The following NCBP2 variants were observed in gnomAD, a reference collection of about 807,000 sequenced individuals.
The protein encoded by NCBP2 is nuclear cap-binding protein subunit 2.
NCBP2 carries 8 observed loss-of-function variants against 21.5 expected under a neutral mutation model. The ratio of observed to expected loss-of-function variants is 0.37; its 90% CI spans 0.22 to 0.67. The LOEUF (loss-of-function observed/expected upper bound fraction) is 0.67. Ranked by LOEUF, NCBP2 falls within the 30% of genes least tolerant of loss-of-function variation. The pLI, the probability that NCBP2 is intolerant of heterozygous loss-of-function variation, is 0.56. For missense variants in NCBP2, 127 were observed against 206.9 expected (o/e 0.61, Z 2.37); for synonymous variants, 92 against 75.8 (o/e 1.21, Z -1.11).
At position 196,936,464 on chromosome 3, in the gene NCBP2, C is replaced by T. The variant is rs145864864; in HGVS notation, c.*547G>A. 9.1e-5 allele frequency: 14 copies of T among 154,664 alleles called. No individual in the cohort carries two copies. Among genetic ancestry groups the T allele is most frequent in the South Asian group, 6.0e-4 (3 of 5,002 alleles). The allele number at this position is 154,664 out of a possible 1,614,324, so 9.6% of individuals were successfully genotyped here. ...TGTTTTTCGTTGTGCTTTGTAGAGA[C>T]GGGGTCTTGCTATGTTGCCCAGTCT... On this transcript the variant is annotated 3_prime_UTR_variant, in exon 4 of 4. Transcript: ENST00000321256.
rs200267402 is a variant in NCBP2, at chr3:196,941,851, A to G, written c.78+575T>C. The G allele has an allele frequency of 1.0e-5, 15 of 1,482,796 alleles. No individual in the cohort carries two copies. In the East Asian group the frequency reaches 3.4e-4, roughly 34 times the overall value. 91.9% of individuals were successfully genotyped at this position (1,482,796 alleles called of 1,614,324 possible). On this transcript the variant is annotated intron_variant, in intron 1 of 3. Coordinates refer to ENST00000321256, the MANE Select transcript of NCBP2 (RefSeq NM_007362.5). Reference sequence around the variant, plus strand: ...GATCTTTACATCCGAACACCCTCAAAGTGCCGAGCTTGGCGGGTCCACCTC... The same window carrying G: ...GATCTTTACATCCGAACACCCTCAAGGTGCCGAGCTTGGCGGGTCCACCTC...
In NCBP2 at chr3:196,937,662, G is replaced by A. The variant is rs758965131; in HGVS notation, c.261-14C>T. The A allele has an allele frequency of 2.5e-6, 4 of 1,612,102 alleles. No individual in the cohort carries two copies. Among genetic ancestry groups the A allele is most frequent in the Non-Finnish European group, 3.4e-6 (4 of 1,178,788 alleles). ...CGTGAGTAATATCTTAAGTATTAAG[G>A]AACACTAGCATTTTTCCAAACATTT... On this transcript the variant is annotated splice_polypyrimidine_tract_variant and intron_variant, in intron 2 of 3. Transcript: ENST00000321256.
intron 1 of NCBP2, chr3:196,941,077 AAAAAT>A (rs1336356454): frequency 5.3e-5 from 8 of 151,960 alleles, no homozygotes; most frequent in Non-Finnish European, 1.2e-4. Context: ...CTCTGTCTCA[AAAAAT>A]AAAATACATT....
chr3:196,937,376 T>C, intron 3 of NCBP2, 134 bp downstream of exon 3: 1 of 1,366,546 alleles, frequency 7.3e-7, no homozygotes. Context: ...CGTTGGGTGG[T>C]TTTCAGATCC....
chr3:196,937,331 C>G, intron 3 of NCBP2, 179 bp downstream of exon 3: 9 of 898,192 alleles, frequency 1.0e-5, no homozygotes, highest in Non-Finnish European at 1.5e-5. Flanking sequence ...ACAGAACATA[C>G]CATTTCACGG....
chr3:196,937,554 A>AGCC lies in NCBP2; in HGVS notation c.352_354dup (p.Gly118dup). On this transcript the variant is annotated inframe_insertion, in exon 3 of 4. Coordinates refer to ENST00000321256, the MANE Select transcript of NCBP2 (RefSeq NM_007362.5). ...CGGCCGTATTGCCTGCCCTCCTTAAAGCCTGCGTCCCAGTCTGTGCGAATG... is the reference window on the plus strand; with the variant it reads ...CGGCCGTATTGCCTGCCCTCCTTAAAGCCGCCTGCGTCCCAGTCTGTGCGAATG... 1 of 1,614,146 alleles carries AGCC rather than the reference A, an allele frequency of 6.2e-7. No homozygotes were observed. The highest frequency in any genetic ancestry group is 8.5e-7 in the Non-Finnish European group (1 of 1,180,032).
chr3:196,939,021 C>A (rs1437769622), intron 2 of NCBP2: 6 of 397,540 alleles, frequency 1.5e-5, no homozygotes, highest in Non-Finnish European at 1.8e-5. Flanking sequence ...TTTTTTTTTA[C>A]GTGAAGGGCA....
Position 196,937,102 on chromosome 3 carries a change from GAGTTAC to G in NCBP2, c.400-26_400-21del. 6.2e-7 allele frequency: 1 copy of G among 1,610,968 alleles called. No homozygotes were observed. Among genetic ancestry groups the G allele is most frequent in the Non-Finnish European group, 8.5e-7 (1 of 1,177,192 alleles). On this transcript the variant is annotated intron_variant, in intron 3 of 3. Coordinates refer to ENST00000321256, the MANE Select transcript of NCBP2 (RefSeq NM_007362.5). ...CCGAACCTTTAATGGAAAGAATCCA[GAGTTAC>G]AGTATGGAAAAGAATGGTGTAACAA... is the stretch of plus-strand genomic sequence containing the variant.
intron 1 of NCBP2, 31 bp downstream of exon 1, chr3:196,942,395 C>G: frequency 6.2e-7 from 1 of 1,607,180 alleles, no homozygotes; most frequent in East Asian, 2.2e-5. Flanking sequence ...TTGCCCAGGG[C>G]CTTCCCGTCT....
rs1330749831 is a variant in NCBP2, at chr3:196,942,461, C to A, written c.43G>T (p.Val15Leu). 20 of 1,613,308 alleles carry A rather than the reference C, an allele frequency of 1.2e-5. No individual in the cohort carries two copies. Among genetic ancestry groups the A allele is most frequent in the Non-Finnish European group, 1.7e-5 (20 of 1,179,934 alleles). Residue 15 changes from valine (V) to leucine (L), a missense_variant, in exon 1 of 4, where the codon GTG (valine) becomes TTG (leucine). By Grantham distance (32) the Val-to-Leu change is conservative (BLOSUM62 1). Transcript: ENST00000321256. ...TGGTCCCGGTACTGGCTCAGCTCCACGTAGGAGTCGCTGCGCAGCGCCTTC... is the reference window on the plus strand; with the variant it reads ...TGGTCCCGGTACTGGCTCAGCTCCAAGTAGGAGTCGCTGCGCAGCGCCTTC... ...LLKALRSDSY[V>L]ELSQYRDQHF...
chr3:196,936,043 A>G lies in NCBP2; in HGVS notation c.*968T>C, dbSNP rs1227685762. ...TCCATTCCCAACATCACTGAAAATG[A>G]AAAGAATAAACTTGCTGGTCCTCAT... On this transcript the variant is annotated 3_prime_UTR_variant, in exon 4 of 4. Transcript: ENST00000321256. 1 of 152,216 alleles carries G rather than the reference A, an allele frequency of 6.6e-6. No homozygotes were observed. Among genetic ancestry groups the G allele is most frequent in the Non-Finnish European group, 1.5e-5 (1 of 68,042 alleles). 9.4% of individuals were successfully genotyped at this position (152,216 alleles called of 1,614,324 possible).
chr3:196,941,824 C>G, intron 1 of NCBP2: 2 of 1,301,546 alleles, frequency 1.5e-6, no homozygotes, highest in Non-Finnish European at 2.1e-6. Flanking sequence ...CAGCAATTCT[C>G]CGATCTTTAC....
At position 196,942,492 on chromosome 3, in the gene NCBP2, G is replaced by A; in HGVS notation, c.12C>T (p.Gly4=). 1.2e-6 allele frequency: 2 copies of A among 1,613,018 alleles called. No homozygotes were observed. The highest frequency in any genetic ancestry group is 2.2e-5 in the East Asian group (1 of 44,832). MSG[G]LLKALRSDSY... is the part of the protein sequence containing the mutation. ...AGTCGCTGCGCAGCGCCTTCAGGAG[G>A]CCACCCGACATAGTGCAGAGAAGCG... Residue 4 remains glycine, a synonymous_variant, in exon 1 of 4, where the codon GGC becomes GGT. Transcript: ENST00000321256.
rs1430379718 is a variant in NCBP2, at chr3:196,942,460, AC to A, written c.43del (p.Val15TrpfsTer3). 5 of 1,612,984 alleles carry A rather than the reference AC, an allele frequency of 3.1e-6. No homozygotes were observed. Among genetic ancestry groups the A allele is most frequent in the Non-Finnish European group, 4.2e-6 (5 of 1,179,910 alleles). On this transcript the variant is annotated frameshift_variant, in exon 1 of 4. Transcript: ENST00000321256. LOFTEE classifies it high-confidence loss of function. ...CTGGTCCCGGTACTGGCTCAGCTCC[AC>A]GTAGGAGTCGCTGCGCAGCGCCTTC... ...LLKALRSDSY[V>X]ELSQYRDQHF...
rs1560169934 is a variant in NCBP2 at position 196,939,393 on chromosome 3, A to G, written c.118T>C (p.Cys40Arg). The change falls in exon 2 of 4, where the codon TGT (cysteine) becomes CGT (arginine). Residue 40 changes from cysteine to arginine, a missense_variant. By Grantham distance (180) the Cys-to-Arg change is radical. Transcript: ENST00000321256. ...EEQEKLLKKS[C>R]TLYVGNLSFY... ...GAAAGATTTCCAACATATAACGTAC[A>G]GCTTTTCTTCAGTAATTTTTCTTGT... 6.2e-7 allele frequency: 1 copy of G among 1,611,472 alleles called. No homozygotes were observed. The highest frequency in any genetic ancestry group is 8.5e-7 in the Non-Finnish European group (1 of 1,178,832).
chr3:196,941,853 T>C, intron 1 of NCBP2: 1 of 1,486,712 alleles, frequency 6.7e-7, no homozygotes, highest in East Asian at 2.5e-5. Flanking sequence ...ACCCTCAAAG[T>C]GCCGAGCTTG....
chr3:196,939,500 C>CG, intron 1 of NCBP2, 68 bp from the exon 2 acceptor site: 1 of 1,133,760 alleles, frequency 8.8e-7, no homozygotes, highest in Non-Finnish European at 1.2e-6. Flanking sequence ...TTTCTAAGTA[C>CG]GGTAGAGACA....
At chr3:196,939,163 C>T (rs777681584) in intron 2 of NCBP2, 88 bp downstream of exon 2, 8 of 1,196,578 alleles carry the variant, frequency 6.7e-6, no homozygotes, top group East Asian at 4.7e-5. Context: ...TGAAGGAAAA[C>T]GTAGGGACGA....
rs769652626 is a variant in NCBP2, at chr3:196,937,613, C to T, written c.296G>A (p.Arg99Gln). Residue 99 changes from arginine (R) to glutamine (Q), a missense_variant, in exon 3 of 4, where the codon CGG becomes CAG. Arg to Gln is a conservative substitution (Grantham distance 43, BLOSUM62 1). Transcript: ENST00000321256. ...ATCCAGACGCGTCCCATTTATGTAC[C>T]GCATGGCGTTTTCCGCATCTGCGCG... ...YSRADAENAM[R>Q]YINGTRLDDR... 16 of 1,614,034 alleles carry T rather than the reference C, an allele frequency of 9.9e-6. No individual in the cohort carries two copies. The highest frequency in any genetic ancestry group is 6.7e-5 in the African/African-American group (5 of 74,910).
Sources: gnomAD v4.1 joint callset for allele counts on GRCh38, gnomAD v4.1.1 for gene constraint, MANE v1.5 for transcripts, NCBI Gene and HGNC (gene_info 2026-07-23, HGNC 2026-07-21) for gene names.